The following TBC1D22A variants were observed in gnomAD, a reference collection of about 807,000 sequenced individuals.
TBC1D22A encodes the protein putative GTPase activator.
Under a neutral mutation model 60.2 loss-of-function variants are expected in TBC1D22A, and 38 were observed. That is an observed-to-expected ratio of 0.63 (90% CI 0.49 to 0.83). The LOEUF is 0.83. TBC1D22A is among the 40% of genes least tolerant of loss of function. The pLI, the probability that TBC1D22A is intolerant of heterozygous loss-of-function variation, is 0.00. For synonymous variants in TBC1D22A, 302 were observed against 281.7 expected, an observed-to-expected ratio of 1.07 and a Z score of -0.72; for missense variants, 628 against 701.0, an observed-to-expected ratio of 0.90 and a Z score of 1.18.
At chr22:46,926,196 C>T (rs4823899) in intron 8 of TBC1D22A, among the ~76,000 whole-genome samples, 116,924 of 152,100 alleles carry the variant, frequency 0.77, 45,107 homozygotes, top group Middle Eastern at 0.85. Flanking sequence ...ATAGTTGTAA[C>T]GGACTATATT....
At chr22:47,136,573 G>GGGACC (rs2066879450) in intron 12 of TBC1D22A, among the ~76,000 whole-genome samples, 1 of 152,084 alleles carries the variant, frequency 6.6e-6, no homozygotes, top group Non-Finnish European at 1.5e-5. Context: ...ACCAGGAGGT[G>GGGACC]AGGCTGTGGA....
At chr22:46,941,062 T>C (rs1602575330) in intron 8 of TBC1D22A, among the ~76,000 whole-genome samples, 2 of 140,388 alleles carry the variant, frequency 1.4e-5, no homozygotes, top group South Asian at 2.3e-4. Context: ...TATATATGTA[T>C]ATACATAGTC....
At chr22:46,978,280 A>G (rs2074382425) in intron 9 of TBC1D22A, among the ~76,000 whole-genome samples, 1 of 152,234 alleles carries the variant, frequency 6.6e-6, no homozygotes, top group East Asian at 1.9e-4. Flanking sequence ...TGTGTGGGTT[A>G]ATTCTCTTGA....
chr22:46,829,541 T>G (rs1361873347), intron 4 of TBC1D22A, among the ~76,000 whole-genome samples: 1 of 152,232 alleles, frequency 6.6e-6, no homozygotes, highest in Non-Finnish European at 1.5e-5. Context: ...TGCTTCACAT[T>G]GCTGCCAAGT....
chr22:47,161,015 G>C (rs2067961118), intron 12 of TBC1D22A, among the ~76,000 whole-genome samples: 1 of 152,184 alleles, frequency 6.6e-6, no homozygotes, highest in African/African-American at 2.4e-5. Flanking sequence ...CCAGGGTGCT[G>C]GGAAGAAGGG....
At chr22:46,802,223 C>T (rs2084928999) in intron 4 of TBC1D22A, among the ~76,000 whole-genome samples, 1 of 152,186 alleles carries the variant, frequency 6.6e-6, no homozygotes, top group Non-Finnish European at 1.5e-5. Context: ...GAATCGGCGG[C>T]GAGGCTTGCG....
intron 11 of TBC1D22A, among the ~76,000 whole-genome samples, chr22:47,103,550 A>G (rs905759181): frequency 2.6e-5 from 4 of 152,152 alleles, no homozygotes; most frequent in African/African-American, 9.6e-5. Flanking sequence ...GGCAGTGGGT[A>G]TTTAAAAATA....
chr22:47,157,525 T>C (rs2067773850), intron 12 of TBC1D22A, among the ~76,000 whole-genome samples: 1 of 152,202 alleles, frequency 6.6e-6, no homozygotes, highest in South Asian at 2.1e-4. Flanking sequence ...TTCTCCCACC[T>C]TGCCTACCCA....
intron 11 of TBC1D22A, among the ~76,000 whole-genome samples, chr22:47,093,810 G>A (rs1327005954): frequency 1.3e-5 from 2 of 152,154 alleles, no homozygotes; most frequent in East Asian, 1.9e-4. Context: ...ATGTCTCTCC[G>A]AAGGTGTTTT....
intron 4 of TBC1D22A, among the ~76,000 whole-genome samples, chr22:46,852,362 C>T (rs978016227): frequency 1.3e-5 from 2 of 152,262 alleles, no homozygotes; most frequent in South Asian, 4.2e-4. Context: ...TGCGTGTGCC[C>T]CCCTGTCTGT....
chr22:46,795,457 A>AT (rs2084611491), intron 3 of TBC1D22A, among the ~76,000 whole-genome samples: 1 of 151,976 alleles, frequency 6.6e-6, no homozygotes, highest in South Asian at 2.1e-4. Context: ...GAGCTATGAG[A>AT]TGTCACCCTG....
At chr22:46,879,892 T>C (rs1284767206) in intron 5 of TBC1D22A, among the ~76,000 whole-genome samples, 1 of 152,126 alleles carries the variant, frequency 6.6e-6, no homozygotes, top group Non-Finnish European at 1.5e-5. Flanking sequence ...GCTTCCCTAA[T>C]GTGTGTAGCA....
chr22:46,852,827 T>G (rs1476073703), intron 4 of TBC1D22A, among the ~76,000 whole-genome samples: 2 of 152,204 alleles, frequency 1.3e-5, no homozygotes, highest in Non-Finnish European at 2.9e-5. Context: ...AGCTGCGCTT[T>G]GCTCATCTCC....
rs2147244467 is a variant in TBC1D22A, at chr22:47,173,593, T to C, written c.1521T>C (p.Ala507=). The change falls in exon 13 of 13, where the codon GCT becomes GCC. Residue 507 remains alanine (A), a synonymous_variant. Transcript: ENST00000337137. ...CCGAGGCCTACCGCCTCAAGTTTGC[T>C]TTTGCCGACGCCCCCAATCACTACA... ...LLAEAYRLKF[A]FADAPNHYKK is the part of the protein sequence containing the mutation. The C allele has an allele frequency of 6.2e-7, 1 of 1,614,078 alleles. No individual in the cohort carries two copies. Among genetic ancestry groups the C allele is most frequent in the South Asian group, 1.1e-5 (1 of 91,084 alleles).
At chr22:46,765,375 T>C (rs2083246562) in intron 1 of TBC1D22A, among the ~76,000 whole-genome samples, 1 of 152,258 alleles carries the variant, frequency 6.6e-6, no homozygotes. Context: ...GCAAGCACAG[T>C]GCTAGTGGAG....
intron 6 of TBC1D22A, among the ~76,000 whole-genome samples, chr22:46,891,834 G>T (rs563380403): frequency 1.3e-5 from 2 of 152,148 alleles, no homozygotes; most frequent in African/African-American, 4.8e-5. Flanking sequence ...GTCTAGGTAG[G>T]GATGTGATAC....
intron 11 of TBC1D22A, among the ~76,000 whole-genome samples, chr22:47,050,958 C>T (rs982021842): frequency 1.3e-5 from 2 of 152,012 alleles, no homozygotes; most frequent in Admixed American, 6.5e-5. Flanking sequence ...CAGGGGGTGG[C>T]GGGGGCAGTC....
intron 11 of TBC1D22A, among the ~76,000 whole-genome samples, chr22:47,090,493 C>A (rs2064877687): frequency 6.6e-6 from 1 of 152,210 alleles, no homozygotes; most frequent in African/African-American, 2.4e-5. Context: ...AACATGCATG[C>A]CCTTTACTGT....
chr22:47,158,287 G>A (rs529389588), intron 12 of TBC1D22A, among the ~76,000 whole-genome samples: 5 of 152,330 alleles, frequency 3.3e-5, no homozygotes, highest in African/African-American at 1.2e-4. Flanking sequence ...CACATTGAGA[G>A]CTGCAACAAT....
Sources: gnomAD v4.1 joint callset for allele counts (sites outside exome capture counted in the v4.1 genomes callset) on GRCh38, gnomAD v4.1.1 for gene constraint, MANE v1.5 for transcripts, NCBI Gene and HGNC (gene_info 2026-07-23, HGNC 2026-07-21) for gene names.